Variants in KCNAB2 observed in about 807,000 individuals in gnomAD.
KCNAB2 encodes the protein voltage-gated potassium channel subunit beta-2.
Under a neutral mutation model 63.6 loss-of-function variants are expected in KCNAB2, and 29 were observed. The ratio of observed to expected loss-of-function variants is 0.46; its 90% CI spans 0.34 to 0.62. The LOEUF (loss-of-function observed/expected upper bound fraction) is 0.62. Among genes scored for constraint, KCNAB2 ranks in the 20% least tolerant of loss-of-function variants. The pLI, the probability that KCNAB2 is intolerant of heterozygous loss-of-function variation, is 0.01. For synonymous variants in KCNAB2, 222 were observed against 224.2 expected, an observed-to-expected ratio of 0.99 and a Z score of 0.09; for missense variants, 359 against 563.9, an observed-to-expected ratio of 0.64 and a Z score of 3.68.
At chr1:6,072,653 A>G (rs1260887438) in intron 2 of KCNAB2, 102 bp from the exon 3 acceptor site, 3 of 1,257,054 alleles carry the variant, frequency 2.4e-6, no homozygotes, top group Non-Finnish European at 3.5e-6. Context: ...ACACACATTG[A>G]CTGTTGGGGG....
chr1:6,076,719 A>G (rs1178807232), intron 4 of KCNAB2, among the ~76,000 whole-genome samples: 1 of 152,110 alleles, frequency 6.6e-6, no homozygotes, highest in Non-Finnish European at 1.5e-5. Flanking sequence ...TGGGGTAGGG[A>G]CAGATTCCTT....
chr1:6,094,035 C>G (rs1393729194), intron 10 of KCNAB2, among the ~76,000 whole-genome samples: 1 of 152,190 alleles, frequency 6.6e-6, no homozygotes, highest in Non-Finnish European at 1.5e-5. Context: ...GCCCTCGAAT[C>G]TTCCCCAGAC....
In KCNAB2 at chr1:6,099,561, C is replaced by A. The variant is rs1012289456; in HGVS notation, c.*987C>A. 2 of 494,410 alleles carry A rather than the reference C, an allele frequency of 4.0e-6. No individual in the cohort carries two copies. Among genetic ancestry groups the A allele is most frequent in the Non-Finnish European group, 6.9e-6 (2 of 288,278 alleles). 30.6% of individuals were successfully genotyped at this position (494,410 alleles called of 1,614,324 possible). A position where few individuals can be genotyped will look rare whatever the true frequency, so the allele number is the denominator to read the frequency against. On this transcript the variant is annotated 3_prime_UTR_variant, in exon 16 of 16. Coordinates refer to ENST00000378083, the MANE Select transcript of KCNAB2 (RefSeq NM_001199862.2). ...CCTGTGCACAAGGATGCACTCCTCT[C>A]GGCCCCTGTAGACTTTCTCTAAAGC...
chr1:6,084,677 G>T (rs561131299), intron 5 of KCNAB2, among the ~76,000 whole-genome samples: 3 of 152,092 alleles, frequency 2.0e-5, no homozygotes, highest in Admixed American at 6.5e-5. Flanking sequence ...TTAGCCGGGC[G>T]TGGTGGCAGG....
At chr1:6,027,458 A>T (rs1316286176) in intron 1 of KCNAB2, 3 of 152,266 alleles carry the variant, frequency 2.0e-5, no homozygotes, top group Admixed American at 1.3e-4. Flanking sequence ...ACCCAGTGCC[A>T]GGTGAGCGGC....
At chr1:6,080,997 G>A (rs1664161776) in intron 4 of KCNAB2, among the ~76,000 whole-genome samples, 2 of 152,204 alleles carry the variant, frequency 1.3e-5, no homozygotes, top group Non-Finnish European at 2.9e-5. Flanking sequence ...TCAGAGGGAA[G>A]CAGCCCTGTC....
At chr1:6,082,993 G>C (rs552415392) in intron 5 of KCNAB2, among the ~76,000 whole-genome samples, 1 of 152,296 alleles carries the variant, frequency 6.6e-6, no homozygotes, top group East Asian at 1.9e-4. Context: ...TGCAACTGCA[G>C]CGGGGCCCAG....
chr1:6,094,332 G>A, intron 10 of KCNAB2, 68 bp from the exon 11 acceptor site: 1 of 1,211,420 alleles, frequency 8.3e-7, no homozygotes, highest in South Asian at 1.3e-5. Flanking sequence ...TGTATTTGCA[G>A]AATGTCCCGA....
intron 1 of KCNAB2, among the ~76,000 whole-genome samples, chr1:5,997,976 C>G (rs554088589): frequency 1.3e-5 from 2 of 152,232 alleles, no homozygotes; most frequent in Non-Finnish European, 2.9e-5. Flanking sequence ...ATGCAGTGAC[C>G]ACATGCCTGG....
At chr1:5,995,385 C>G (rs193087375) in intron 1 of KCNAB2, among the ~76,000 whole-genome samples, 1 of 152,244 alleles carries the variant, frequency 6.6e-6, no homozygotes, top group African/African-American at 2.4e-5. Flanking sequence ...GAGCCCAGTT[C>G]ATGCCTTGGC....
At chr1:6,056,674 A>C (rs1196984155) in intron 2 of KCNAB2, among the ~76,000 whole-genome samples, 3 of 152,052 alleles carry the variant, frequency 2.0e-5, no homozygotes, top group African/African-American at 4.8e-5. Context: ...CCTTGGTTTC[A>C]ACTCGGACCC....
intron 1 of KCNAB2, chr1:6,027,268 GTGTGT>G (rs1659262075): frequency 7.4e-6 from 1 of 135,802 alleles, no homozygotes; most frequent in Non-Finnish European, 1.6e-5. Context: ...GTGTGTGTGT[GTGTGT>G]GGACGGCTGA....
chr1:6,014,648 C>G (rs1421149498), intron 1 of KCNAB2, among the ~76,000 whole-genome samples: 1 of 152,206 alleles, frequency 6.6e-6, no homozygotes, highest in Non-Finnish European at 1.5e-5. Flanking sequence ...GGTGTTTACT[C>G]CAGAGAAGAT....
intron 1 of KCNAB2, among the ~76,000 whole-genome samples, chr1:6,018,196 C>A (rs1658625830): frequency 6.6e-6 from 1 of 151,818 alleles, no homozygotes; most frequent in Non-Finnish European, 1.5e-5. Context: ...CTCCCAATCC[C>A]AAAGTGCTGG....
At chr1:6,025,054 G>C (rs746190181) in intron 1 of KCNAB2, among the ~76,000 whole-genome samples, 1 of 152,030 alleles carries the variant, frequency 6.6e-6, no homozygotes, top group Non-Finnish European at 1.5e-5. Flanking sequence ...TTTCCCATTC[G>C]TTCGCCTTCC....
At position 6,069,669 on chromosome 1, in the gene KCNAB2, C is replaced by T. The variant is rs1008550263; in HGVS notation, c.219-3086C>T. Reference sequence around the variant, plus strand: ...AGCAGGGAGCAGCCCCATCCAGACCCGGCTGAGACGTGTGCTCCCCACCCC... The same window carrying T: ...AGCAGGGAGCAGCCCCATCCAGACCTGGCTGAGACGTGTGCTCCCCACCCC... On this transcript the variant is annotated intron_variant, in intron 2 of 15. Transcript: ENST00000378083. This position sits in a 1 kb window ranked among gnomAD's most constrained non-coding sequence, Gnocchi z 5.4. Among the ~76,000 whole-genome samples, 7 of 152,172 alleles carry T rather than the reference C, an allele frequency of 4.6e-5. No homozygotes were observed. The highest frequency in any genetic ancestry group is 3.9e-4 in the East Asian group (2 of 5,194).
chr1:6,031,467 A>T (rs1217719916), upstream of KCNAB2, among the ~76,000 whole-genome samples: 11 of 152,242 alleles, frequency 7.2e-5, no homozygotes, highest in Admixed American at 6.5e-4. This position sits in a 1 kb window ranked among gnomAD's most constrained non-coding sequence, Gnocchi z 4.1. Context: ...TGAGGCTCCA[A>T]GAGAGGCCCT....
At chr1:6,089,152 A>G (rs1664962917) in intron 8 of KCNAB2, 101 bp downstream of exon 8, 2 of 1,258,646 alleles carry the variant, frequency 1.6e-6, no homozygotes, top group Non-Finnish European at 2.2e-6. Flanking sequence ...CAGTTAACCC[A>G]CTGAGGGCCC....
At chr1:6,094,585 C>G (rs1057302783) in intron 11 of KCNAB2, 100 bp downstream of exon 11, 2 of 913,244 alleles carry the variant, frequency 2.2e-6, no homozygotes, top group Non-Finnish European at 3.4e-6. Flanking sequence ...GCCTTTGGTC[C>G]CAACTGCACC....
Sources: gnomAD v4.1 joint callset for allele counts (sites outside exome capture counted in the v4.1 genomes callset) on GRCh38, gnomAD v4.1.1 for gene constraint, Gnocchi (gnomAD v3.1) non-coding constraint, MANE v1.5 for transcripts, NCBI Gene and HGNC (gene_info 2026-07-23, HGNC 2026-07-21) for gene names.